RAD21: variants seen among roughly 807,000 people sequenced by gnomAD.
RAD21 encodes double-strand-break repair protein rad21 homolog.
A neutral mutation model predicts 71.5 loss-of-function variants in RAD21; 18 were observed. That is an observed-to-expected ratio of 0.25 (90% CI 0.17 to 0.37). RAD21 has a LOEUF of 0.37. Among genes scored for constraint, RAD21 ranks in the 10% least tolerant of loss-of-function variants. The pLI is 1.00. For synonymous variants in RAD21, 248 were observed against 254.0 expected, an observed-to-expected ratio of 0.98 and a Z score of 0.22; for missense variants, 493 against 769.1, an observed-to-expected ratio of 0.64 and a Z score of 4.25.
intron 9 of RAD21, among the ~76,000 whole-genome samples, chr8:116,853,964 G>A (rs918905382): frequency 3.1e-4 from 47 of 152,106 alleles, no homozygotes; most frequent in Admixed American, 2.9e-3. Context: ...ACACTAAGAC[G>A]ATATAACTAA....
At chr8:116,854,604 T>C (rs1812423913) in intron 8 of RAD21, 136 bp from the exon 9 acceptor site, 4 of 689,724 alleles carry the variant, frequency 5.8e-6, no homozygotes, top group Middle Eastern at 4.0e-4. Context: ...TTCATGAGGA[T>C]AGAACGTTTT....
chr8:116,871,642 T>C (rs975064473), intron 1 of RAD21, among the ~76,000 whole-genome samples: 1 of 152,218 alleles, frequency 6.6e-6, no homozygotes, highest in Non-Finnish European at 1.5e-5. Context: ...ACTTGCACTT[T>C]CAGTAATCAA....
chr8:116,852,442 G>A, intron 10 of RAD21, 107 bp downstream of exon 10: 1 of 1,202,164 alleles, frequency 8.3e-7, no homozygotes, highest in South Asian at 1.7e-5. Context: ...CCAAACATTT[G>A]AGTATATCTT....
rs978469528 is a variant in RAD21 at position 116,846,319 on chromosome 8, C to CACTT, written c.*1177_*1180dup. ...TTTTTTTTTCCCACAAAAGTTTCAA[C>CACTT]ACTTAAGCTAGAACTTTCAGTGTTA... On this transcript the variant is annotated 3_prime_UTR_variant, in exon 14 of 14. Transcript: ENST00000297338. 8.7e-6 allele frequency: 2 copies of CACTT among 230,816 alleles called. No homozygotes were observed. The highest frequency in any genetic ancestry group is 4.4e-5 in the African/African-American group (2 of 45,174). 14.3% of individuals were successfully genotyped at this position (230,816 alleles called of 1,614,324 possible). A position where few individuals can be genotyped will look rare whatever the true frequency, so the allele number is the denominator to read the frequency against.
intron 9 of RAD21, among the ~76,000 whole-genome samples, chr8:116,853,071 G>A (rs537630317): frequency 6.6e-6 from 1 of 152,088 alleles, no homozygotes; most frequent in South Asian, 2.1e-4. Flanking sequence ...AACCTTATTA[G>A]CTATCATTTA....
chr8:116,858,559 AACCC>A, intron 4 of RAD21, 101 bp from the exon 5 acceptor site: 1 of 831,302 alleles, frequency 1.2e-6, no homozygotes, highest in Non-Finnish European at 1.9e-6. Context: ...ATATATGTAT[AACCC>A]ACCAAGTTTT....
At position 116,874,681 on chromosome 8, in the gene RAD21, G is replaced by C; in HGVS notation, c.-103C>G. 2.5e-6 allele frequency: 1 copy of C among 392,250 alleles called. No homozygotes were observed. Among genetic ancestry groups the C allele is most frequent in the Non-Finnish European group, 5.0e-6 (1 of 198,048 alleles). 24.3% of individuals were successfully genotyped at this position (392,250 alleles called of 1,614,324 possible). On this transcript the variant is annotated 5_prime_UTR_variant, in exon 1 of 14. Transcript: ENST00000297338. ...GGAAAAGGGTCGGGGGAGGGGGTGGGGAAAGGGGGGAGCCCTTGCGAGGTG... is the reference window on the plus strand; with the variant it reads ...GGAAAAGGGTCGGGGGAGGGGGTGGCGAAAGGGGGGAGCCCTTGCGAGGTG...
At chr8:116,857,172 G>T in intron 6 of RAD21, 95 bp downstream of exon 6, 1 of 1,036,158 alleles carries the variant, frequency 9.7e-7, no homozygotes, top group Non-Finnish European at 1.4e-6. Flanking sequence ...ATATCTAAAA[G>T]CTGTTCAAGA....
At chr8:116,857,222 T>A in intron 6 of RAD21, 45 bp downstream of exon 6, 1 of 1,534,276 alleles carries the variant, frequency 6.5e-7, no homozygotes, top group Non-Finnish European at 8.9e-7. Flanking sequence ...TACAACTTAA[T>A]AAAGAAATTC....
intron 3 of RAD21, 113 bp downstream of exon 3, chr8:116,863,017 A>G: frequency 7.4e-7 from 1 of 1,350,952 alleles, no homozygotes; most frequent in Admixed American, 2.2e-5. Context: ...CTCGTATTTC[A>G]ATTAAAACAA....
Position 116,847,070 on chromosome 8 carries a change from G to A in RAD21, c.*430C>T, listed in dbSNP as rs1231965204. On this transcript the variant is annotated 3_prime_UTR_variant, in exon 14 of 14. Coordinates refer to ENST00000297338, the MANE Select transcript of RAD21 (RefSeq NM_006265.3). ...GTGTTACTGATGGAAAGAAGTGTTT[G>A]TTTGTTTTTTTTTCTTGTCAAAGAC... The A allele has an allele frequency of 8.8e-6, 2 of 228,028 alleles. No homozygotes were observed. Among genetic ancestry groups the A allele is most frequent in the African/African-American group, 4.5e-5 (2 of 44,936 alleles). The allele number at this position is 228,028 out of a possible 1,614,324, so 14.1% of individuals were successfully genotyped here.
intron 1 of RAD21, among the ~76,000 whole-genome samples, chr8:116,870,722 A>G (rs1376449599): frequency 6.6e-6 from 1 of 152,224 alleles, no homozygotes; most frequent in Non-Finnish European, 1.5e-5. Flanking sequence ...ACTGTATCCT[A>G]AACAAAAAAC....
chr8:116,851,690 C>T lies in RAD21; in HGVS notation c.1470+258G>A, dbSNP rs539139436. ...CCAAATAATAAATCAGAACCAACTT[C>T]AGAGTCAAGGATGCTCACTCTGGAG... is the stretch of plus-strand genomic sequence containing the variant. On this transcript the variant is annotated intron_variant, in intron 11 of 13. Coordinates refer to ENST00000297338, the MANE Select transcript of RAD21 (RefSeq NM_006265.3). 6.7e-5 allele frequency: 21 copies of T among 313,484 alleles called. No individual in the cohort carries two copies. In the South Asian group the frequency reaches 2.8e-3, roughly 42 times the overall value. The allele number at this position is 313,484 out of a possible 1,614,324, so 19.4% of individuals were successfully genotyped here.
intron 1 of RAD21, 161 bp from the exon 2 acceptor site, chr8:116,866,922 A>T: frequency 2.2e-6 from 1 of 451,410 alleles, no homozygotes; most frequent in South Asian, 7.8e-5. Flanking sequence ...ATTTAAAACA[A>T]ATCTATTGTT....
intron 9 of RAD21, among the ~76,000 whole-genome samples, chr8:116,853,950 A>G (rs1194715413): frequency 6.6e-6 from 1 of 152,216 alleles, no homozygotes; most frequent in African/African-American, 2.4e-5. Context: ...TTCAGATGTA[A>G]AACACACTAA....
chr8:116,860,600 T>C (rs1812571848), intron 4 of RAD21, among the ~76,000 whole-genome samples: 1 of 152,196 alleles, frequency 6.6e-6, no homozygotes, highest in African/African-American at 2.4e-5. Flanking sequence ...TTTTGCAGTA[T>C]TTTTAAGATA....
chr8:116,854,013 T>C (rs966483917), intron 9 of RAD21, among the ~76,000 whole-genome samples: 6 of 151,754 alleles, frequency 4.0e-5, no homozygotes, highest in Non-Finnish European at 8.8e-5. Flanking sequence ...AACACGTCAG[T>C]GGCTTTTTAA....
chr8:116,860,586 AT>A (rs1183495824), intron 4 of RAD21, among the ~76,000 whole-genome samples: 2 of 152,162 alleles, frequency 1.3e-5, no homozygotes, highest in Non-Finnish European at 2.9e-5. Flanking sequence ...GATCACTAGC[AT>A]TTTTTTGCAG....
Position 116,858,459 on chromosome 8 carries a change from C to A in RAD21, c.375-1G>T. ...GAACTGCTGGGCCACATCGATGTCA[C>A]TTTAAAAGAAGGTCAAATACATTTT... On this transcript the variant is annotated splice_acceptor_variant, in intron 4 of 13. Transcript: ENST00000297338. LOFTEE classifies it high-confidence loss of function. 6.2e-7 allele frequency: 1 copy of A among 1,607,568 alleles called. No homozygotes were observed. Among genetic ancestry groups the A allele is most frequent in the Non-Finnish European group, 8.5e-7 (1 of 1,176,026 alleles).
Sources: gnomAD v4.1 joint callset for allele counts (sites outside exome capture counted in the v4.1 genomes callset) on GRCh38, gnomAD v4.1.1 for gene constraint, MANE v1.5 for transcripts, NCBI Gene and HGNC (gene_info 2026-07-23, HGNC 2026-07-21) for gene names.